ZNF578: variants seen among roughly 807,000 people sequenced by gnomAD.
ZNF578 encodes the protein Putative chemokine-related protein B42.
ZNF578 carries 8 observed loss-of-function variants against 8.3 expected under a neutral mutation model. That is an observed-to-expected ratio of 0.96 (90% confidence interval 0.56 to 1.74). The LOEUF (loss-of-function observed/expected upper bound fraction) is 1.74. ZNF578 is among the 40% of genes most tolerant of loss of function. ZNF578 has a pLI of 0.00. For missense variants in ZNF578, 726 were observed against 707.5 expected (o/e 1.03, Z -0.30); for synonymous variants, 206 against 232.2 (o/e 0.89, Z 1.03).
chr19:52,487,959 C>G lies in ZNF578; in HGVS notation c.-121-3365C>G, dbSNP rs867478169. On this transcript the variant is annotated intron_variant, in intron 2 of 5. Coordinates refer to ENST00000421239, the MANE Select transcript of ZNF578 (RefSeq NM_001099694.2). The stretch of plus-strand genomic sequence containing the variant: ...GCATCTGGCCTACATAGCCCCCCCC[C>G]CTTTTTTTTTTTGAGAGGGAGTTTT... Among the ~76,000 whole-genome samples the G allele has an allele frequency of 6.4e-3, 936 of 146,204 alleles. 6 individuals carry two copies. The highest frequency in any genetic ancestry group is 0.022 in the African/African-American group (847 of 39,118).
intron 2 of ZNF578, among the ~76,000 whole-genome samples, chr19:52,486,706 A>G (rs2059347047): frequency 6.6e-6 from 1 of 151,952 alleles, no homozygotes; most frequent in South Asian, 2.1e-4. Context: ...GGGGTGCCAC[A>G]GGGTCGGGAC....
intron 3 of ZNF578, among the ~76,000 whole-genome samples, chr19:52,491,957 G>A (rs1353618636): frequency 6.6e-6 from 1 of 151,654 alleles, no homozygotes; most frequent in Non-Finnish European, 1.5e-5. Flanking sequence ...TCAGGAGATC[G>A]AGACCATCCT....
chr19:52,489,446 G>A (rs1304911475), intron 2 of ZNF578, among the ~76,000 whole-genome samples: 1 of 151,236 alleles, frequency 6.6e-6, no homozygotes, highest in Non-Finnish European at 1.5e-5. Context: ...AAATTAGCTG[G>A]GTGTGGTGGC....
chr19:52,508,728 T>G (rs529616082), intron 5 of ZNF578, among the ~76,000 whole-genome samples: 1 of 150,304 alleles, frequency 6.7e-6, no homozygotes, highest in Non-Finnish European at 1.5e-5. Flanking sequence ...CCAGGAGGCA[T>G]AGGTTGTGGT....
rs2059251421 is a variant in ZNF578 at position 52,459,764 on chromosome 19, TA to T, written c.-122+2807del. Reference sequence around the variant, plus strand: ...GTGTGTGTGTGTGTATATATATATATATATATTTTTTTTTTTTTTTTTTTTT... The same window carrying T: ...GTGTGTGTGTGTGTATATATATATATTATATTTTTTTTTTTTTTTTTTTTT... On this transcript the variant is annotated intron_variant, in intron 2 of 5. Coordinates refer to ENST00000421239, the MANE Select transcript of ZNF578 (RefSeq NM_001099694.2). Among the ~76,000 whole-genome samples, 4 of 29,670 alleles carry T rather than the reference TA, an allele frequency of 1.3e-4. 2 individuals carry two copies. Among genetic ancestry groups the T allele is most frequent in the African/African-American group, 1.8e-4 (2 of 11,350 alleles). The allele number at this position is 29,670 out of a possible 152,430, so 19.5% of individuals were successfully genotyped here. A position where few individuals can be genotyped will look rare whatever the true frequency, so the allele number is the denominator to read the frequency against.
intron 2 of ZNF578, among the ~76,000 whole-genome samples, chr19:52,482,673 C>T (rs772385120): frequency 2.6e-5 from 4 of 151,886 alleles, no homozygotes; most frequent in Admixed American, 6.6e-5. Flanking sequence ...CAAAGCCGGG[C>T]GTAGTGGCTC....
intron 2 of ZNF578, among the ~76,000 whole-genome samples, chr19:52,481,287 C>G (rs2059325542): frequency 6.6e-6 from 1 of 152,220 alleles, no homozygotes; most frequent in African/African-American, 2.4e-5. Context: ...CCTCCTATCC[C>G]TGTGTATGGG....
intron 3 of ZNF578, among the ~76,000 whole-genome samples, chr19:52,501,018 A>T (rs574868808): frequency 1.6e-4 from 24 of 151,670 alleles, no homozygotes; most frequent in African/African-American, 5.3e-4. Flanking sequence ...AGCTGGGATT[A>T]TGGGCACCCG....
chr19:52,514,007 A>G lies in ZNF578; in HGVS notation c.*1853A>G, dbSNP rs1182396330. ...GCCACTGTACTGCAGCGAGGTTGGC[A>G]GAGTGAGTCTCCATCTCAAACAAAC... On this transcript the variant is annotated 3_prime_UTR_variant, in exon 6 of 6. Coordinates refer to ENST00000421239, the MANE Select transcript of ZNF578 (RefSeq NM_001099694.2). Among the ~76,000 whole-genome samples, 3 of 148,540 alleles carry G rather than the reference A, an allele frequency of 2.0e-5. No homozygotes were observed. The highest frequency in any genetic ancestry group is 4.5e-5 in the Non-Finnish European group (3 of 67,244).
intron 5 of ZNF578, among the ~76,000 whole-genome samples, chr19:52,509,381 T>C (rs1024482327): frequency 3.9e-5 from 6 of 152,186 alleles, no homozygotes; most frequent in African/African-American, 1.4e-4. Flanking sequence ...AATGTACTTA[T>C]TTGCTTGCTG....
chr19:52,463,616 A>G (rs907810923), intron 2 of ZNF578, among the ~76,000 whole-genome samples: 1 of 152,214 alleles, frequency 6.6e-6, no homozygotes, highest in African/African-American at 2.4e-5. Context: ...GAGTTGAACA[A>G]TTGATAAAGC....
chr19:52,511,252 G>C lies in ZNF578; in HGVS notation c.871G>C (p.Glu291Gln). The stretch of plus-strand genomic sequence containing the variant: ...TAGTGAGAAACCTTACAAGTGTAAT[G>C]AATGTGGAAAGTCCTTCAGTTACAA... The part of the protein sequence containing the change: ...HTSEKPYKCN[E>Q]CGKSFSYKSS... The change falls in exon 6 of 6, where the codon GAA (glutamate) becomes CAA (glutamine). Residue 291 changes from glutamate (E) to glutamine (Q), a missense_variant. Glu to Gln is a conservative substitution (Grantham distance 29). Coordinates refer to ENST00000421239, the MANE Select transcript of ZNF578 (RefSeq NM_001099694.2). The C allele has an allele frequency of 6.2e-7, 1 of 1,614,126 alleles. No homozygotes were observed. Among genetic ancestry groups the C allele is most frequent in the Non-Finnish European group, 8.5e-7 (1 of 1,180,024 alleles).
At chr19:52,475,073 A>G (rs1651532) in intron 2 of ZNF578, 17,959 of 183,306 alleles carry the variant, frequency 0.098, 1,555 homozygotes, top group East Asian at 0.33. Flanking sequence ...TTTCTCTCCT[A>G]TATGAATTCT....
intron 4 of ZNF578, among the ~76,000 whole-genome samples, chr19:52,503,213 T>A (rs2059413611): frequency 6.6e-6 from 1 of 152,122 alleles, no homozygotes; most frequent in African/African-American, 2.4e-5. Context: ...TGTATTTTTA[T>A]TTTGTTGTCC....
intron 5 of ZNF578, 80 bp downstream of exon 5, chr19:52,504,861 G>A (rs2059419921): frequency 1.1e-5 from 17 of 1,585,322 alleles, no homozygotes; most frequent in Non-Finnish European, 1.4e-5. Flanking sequence ...TCTCTTTTGT[G>A]ATTTTGCCCC....
At chr19:52,507,491 G>C (rs973967930) in intron 5 of ZNF578, among the ~76,000 whole-genome samples, 1 of 152,026 alleles carries the variant, frequency 6.6e-6, no homozygotes, top group African/African-American at 2.4e-5. Flanking sequence ...TAGGAGAATC[G>C]TGCCACTGCA....
At chr19:52,463,710 A>G (rs991959436) in intron 2 of ZNF578, among the ~76,000 whole-genome samples, 2 of 152,244 alleles carry the variant, frequency 1.3e-5, no homozygotes, top group Non-Finnish European at 2.9e-5. Context: ...AAACAATATT[A>G]ACTGGCTGAT....
chr19:52,472,457 A>G (rs193011792), intron 2 of ZNF578, among the ~76,000 whole-genome samples: 29 of 152,324 alleles, frequency 1.9e-4, no homozygotes, highest in Admixed American at 1.9e-3. Flanking sequence ...ACTCTGATAT[A>G]ACTGTTCTCT....
intron 2 of ZNF578, among the ~76,000 whole-genome samples, chr19:52,487,697 T>A (rs1459307831): frequency 6.6e-6 from 1 of 150,844 alleles, no homozygotes; most frequent in Non-Finnish European, 1.5e-5. Flanking sequence ...GTGCGTGATC[T>A]CCTCTAACTG....
Sources: gnomAD v4.1 joint callset for allele counts (sites outside exome capture counted in the v4.1 genomes callset) on GRCh38, gnomAD v4.1.1 for gene constraint, MANE v1.5 for transcripts, NCBI Gene and HGNC (gene_info 2026-07-23, HGNC 2026-07-21) for gene names.